BEND3: variants seen among roughly 807,000 people sequenced by gnomAD.
BEND3 encodes BEN domain containing 3.
In BEND3, 13 loss-of-function variants were observed where a neutral mutation model predicts 60.1. The observed-to-expected ratio is 0.22, with a 90% CI of 0.14 to 0.34. The LOEUF is 0.34. Among genes scored for constraint, BEND3 ranks in the 10% least tolerant of loss-of-function variants. The probability of loss-of-function intolerance (pLI) is 1.00; values close to 1 mark genes in which losing one functional copy is unlikely to be tolerated. For missense variants in BEND3, 896 were observed against 1,138.1 expected, an observed-to-expected ratio of 0.79 and a Z score of 3.06; for synonymous variants, 497 against 491.5, an observed-to-expected ratio of 1.01 and a Z score of -0.15.
chr6:107,100,588 G>A (rs1314007661), intron 1 of BEND3, among the ~76,000 whole-genome samples: 1 of 152,086 alleles, frequency 6.6e-6, no homozygotes, highest in African/African-American at 2.4e-5. Context: ...AGAAAGGTGG[G>A]CAGTGCTCTG....
chr6:107,094,897 G>A (rs986605125), intron 3 of BEND3, among the ~76,000 whole-genome samples: 11 of 149,614 alleles, frequency 7.4e-5, no homozygotes, highest in African/African-American at 1.2e-4. Context: ...CATGGTTCAC[G>A]GCAGCCCCGA....
In BEND3 at chr6:107,069,692, T is replaced by A; in HGVS notation, c.1499A>T (p.Asp500Val). 6.2e-7 allele frequency: 1 copy of A among 1,609,156 alleles called. No individual in the cohort carries two copies. Among genetic ancestry groups the A allele is most frequent in the Non-Finnish European group, 8.5e-7 (1 of 1,179,832 alleles). ...EGDPPRDDCY[D>V]SSSLPDDISV... ...GATGTCGTCGGGCAGACTGGAGGAG[T>A]CGTAGCAGTCATCACGCGGGGGGTC... The change falls in exon 4 of 4, where the codon GAC becomes GTC. Residue 500 changes from aspartate to valine, a missense_variant. Coordinates refer to ENST00000369042, the MANE Select transcript of BEND3 (RefSeq NM_001367314.1).
intron 3 of BEND3, among the ~76,000 whole-genome samples, chr6:107,086,306 A>G (rs1264505677): frequency 6.6e-6 from 1 of 152,082 alleles, no homozygotes; most frequent in African/African-American, 2.4e-5. Context: ...TGAAGTTTAC[A>G]GTCCAGAGAT....
In BEND3 at chr6:107,098,693, G is replaced by C; in HGVS notation, c.98C>G (p.Ser33Cys). ...TEAEDAALDCSVNSRTSEKHS... is the reference protein window; with the variant it reads ...TEAEDAALDCCVNSRTSEKHS... ...CTTCTCAGAAGTCCTGGAATTCACGGAGCAGTCCAGAGCAGCATCTTCAGC... is the reference window on the plus strand; with the variant it reads ...CTTCTCAGAAGTCCTGGAATTCACGCAGCAGTCCAGAGCAGCATCTTCAGC... The change falls in exon 3 of 4, where the codon TCC becomes TGC. Residue 33 changes from serine to cysteine, a missense_variant. By Grantham distance (112) the Ser-to-Cys change is moderately radical (BLOSUM62 -1). This residue lies in a region of BEND3 where 846 missense variants were observed against 1,036.7 expected (regional missense o/e 0.82). Transcript: ENST00000369042. The C allele has an allele frequency of 6.2e-7, 1 of 1,614,086 alleles. No individual in the cohort carries two copies. Among genetic ancestry groups the C allele is most frequent in the African/African-American group, 1.3e-5 (1 of 75,062 alleles).
intron 3 of BEND3, among the ~76,000 whole-genome samples, chr6:107,079,606 C>T (rs1775181487): frequency 6.6e-6 from 1 of 152,170 alleles, no homozygotes; most frequent in Non-Finnish European, 1.5e-5. Flanking sequence ...ACTGAAGAAG[C>T]AAGCCACACC....
At chr6:107,087,349 G>A (rs1316261866) in intron 3 of BEND3, among the ~76,000 whole-genome samples, 1 of 151,854 alleles carries the variant, frequency 6.6e-6, no homozygotes, top group Non-Finnish European at 1.5e-5. Flanking sequence ...AAACGACAAG[G>A]CGTACTAAGA....
Position 107,068,521 on chromosome 6 carries a change from C to T in BEND3, c.*183G>A. On this transcript the variant is annotated 3_prime_UTR_variant, in exon 4 of 4. Transcript: ENST00000369042. The surrounding 1 kb of genome is among the most constrained non-coding windows in gnomAD (Gnocchi z 5.8). ...GAAGTTGTAAGTACAAGAGACCAAACTCAAGGCTTCTTTCTTGCGGTTGGG... is the reference window on the plus strand; with the variant it reads ...GAAGTTGTAAGTACAAGAGACCAAATTCAAGGCTTCTTTCTTGCGGTTGGG... 2 of 687,710 alleles carry T rather than the reference C, an allele frequency of 2.9e-6. No individual in the cohort carries two copies. The highest frequency in any genetic ancestry group is 6.1e-5 in the Admixed American group (2 of 32,732). 42.6% of individuals were successfully genotyped at this position (687,710 alleles called of 1,614,324 possible).
At position 107,068,634 on chromosome 6, in the gene BEND3, T is replaced by C; in HGVS notation, c.*70A>G. ...GATGCCATAGGCGTGCTCCCAAGTA[T>C]TGCTCAGTCCCAAGGGTGCCCATCG... On this transcript the variant is annotated 3_prime_UTR_variant, in exon 4 of 4. Coordinates refer to ENST00000369042, the MANE Select transcript of BEND3 (RefSeq NM_001367314.1). The surrounding 1 kb of genome is among the most constrained non-coding windows in gnomAD (Gnocchi z 5.8). 2.0e-6 allele frequency: 3 copies of C among 1,528,436 alleles called. No homozygotes were observed. Among genetic ancestry groups the C allele is most frequent in the South Asian group, 1.3e-5 (1 of 78,966 alleles). 94.7% of individuals were successfully genotyped at this position (1,528,436 alleles called of 1,614,324 possible). A position where few individuals can be genotyped will look rare whatever the true frequency, so the allele number is the denominator to read the frequency against.
intron 3 of BEND3, among the ~76,000 whole-genome samples, chr6:107,086,326 C>G (rs541781211): frequency 6.6e-6 from 1 of 152,144 alleles, no homozygotes; most frequent in South Asian, 2.1e-4. Flanking sequence ...TCCAGGGTTG[C>G]TAAAAGACTG....
At chr6:107,077,711 C>G (rs144316486) in intron 3 of BEND3, among the ~76,000 whole-genome samples, 1 of 152,082 alleles carries the variant, frequency 6.6e-6, no homozygotes, top group African/African-American at 2.4e-5. Flanking sequence ...TGTTTGAGTG[C>G]CCAGTTCGGA....
rs1332254811 is a variant in BEND3 at position 107,113,464 on chromosome 6, A to C, written c.-12+1626T>G. On this transcript the variant is annotated intron_variant, in intron 1 of 3. Transcript: ENST00000369042. ...AAAAAAAAAAAAAAACAAAAAAAAAACTCATGTTCCATGACAGGAGGTTGA... is the reference window on the plus strand; with the variant it reads ...AAAAAAAAAAAAAAACAAAAAAAAACCTCATGTTCCATGACAGGAGGTTGA... Among the ~76,000 whole-genome samples, 43 of 146,268 alleles carry C rather than the reference A, an allele frequency of 2.9e-4. 1 individual carries two copies. The highest frequency in any genetic ancestry group is 9.1e-4 in the African/African-American group (36 of 39,410).
In BEND3 at chr6:107,067,970, T is replaced by C. The variant is rs1199166867; in HGVS notation, c.*734A>G. ...CTACATTCATATCATCATCATCCAG[T>C]GTTCTCGCCTAAAGAGTGACACAAC... is the stretch of plus-strand genomic sequence containing the variant. On this transcript the variant is annotated 3_prime_UTR_variant, in exon 4 of 4. Transcript: ENST00000369042. The C allele has an allele frequency of 2.0e-5, 3 of 152,124 alleles. No individual in the cohort carries two copies. Among genetic ancestry groups the C allele is most frequent in the Non-Finnish European group, 2.9e-5 (2 of 68,042 alleles). 9.4% of individuals were successfully genotyped at this position (152,124 alleles called of 1,614,324 possible). A position where few individuals can be genotyped will look rare whatever the true frequency, so the allele number is the denominator to read the frequency against.
Position 107,102,129 on chromosome 6 carries a change from C to T in BEND3, c.-11-2833G>A, listed in dbSNP as rs144803080. Among the ~76,000 whole-genome samples the T allele has an allele frequency of 1.8e-3, 271 of 152,158 alleles. 1 individual carries two copies. Among genetic ancestry groups the T allele is most frequent in the African/African-American group, 6.4e-3 (264 of 41,514 alleles). ...AAATACTAGAACAAAACAAAACAGG[C>T]GTCGATGAGAGAACACAGCAGACAG... is the stretch of plus-strand genomic sequence containing the variant. On this transcript the variant is annotated intron_variant, in intron 1 of 3. Coordinates refer to ENST00000369042, the MANE Select transcript of BEND3 (RefSeq NM_001367314.1).
intron 3 of BEND3, among the ~76,000 whole-genome samples, chr6:107,075,982 G>A (rs556966848): frequency 9.2e-5 from 14 of 152,240 alleles, no homozygotes; most frequent in East Asian, 1.9e-4. Flanking sequence ...AAACACTGCC[G>A]TCAACAGAAA....
At chr6:107,078,316 GT>G (rs1209384340) in intron 3 of BEND3, among the ~76,000 whole-genome samples, 1 of 151,912 alleles carries the variant, frequency 6.6e-6, no homozygotes, top group African/African-American at 2.4e-5. Context: ...TGACTGGATG[GT>G]GCCCAGGCTG....
At chr6:107,081,468 C>T (rs368825088) in intron 3 of BEND3, among the ~76,000 whole-genome samples, 3 of 146,946 alleles carry the variant, frequency 2.0e-5, no homozygotes. Flanking sequence ...GTGATCCACC[C>T]GCCTCGGCCT....
At chr6:107,093,703 A>G (rs949607434) in intron 3 of BEND3, among the ~76,000 whole-genome samples, 4 of 152,224 alleles carry the variant, frequency 2.6e-5, no homozygotes, top group Non-Finnish European at 5.9e-5. Flanking sequence ...AAATATGTCA[A>G]TCTAGACATA....
intron 1 of BEND3, among the ~76,000 whole-genome samples, chr6:107,102,312 A>G (rs1775718836): frequency 6.6e-6 from 1 of 151,880 alleles, no homozygotes; most frequent in African/African-American, 2.4e-5. Flanking sequence ...CAGAAAACCT[A>G]TTTTCTGATT....
At chr6:107,086,149 G>C (rs1775342280) in intron 3 of BEND3, among the ~76,000 whole-genome samples, 1 of 152,058 alleles carries the variant, frequency 6.6e-6, no homozygotes, top group South Asian at 2.1e-4. Flanking sequence ...AACCTGCAGG[G>C]GTTTTATCAG....
Sources: allele counts gnomAD v4.1 joint callset (sites outside exome capture counted in the v4.1 genomes callset), GRCh38; gene constraint gnomAD v4.1.1; regional missense constraint gnomAD v4.1.1; non-coding constraint Gnocchi (gnomAD v3.1); transcripts MANE v1.5; gene names NCBI Gene and HGNC (gene_info 2026-07-23, HGNC 2026-07-21).